Variants in CCDC110 observed in about 807,000 individuals in gnomAD.
CCDC110 encodes coiled-coil domain containing 110.
CCDC110 carries 70 observed loss-of-function variants against 77.1 expected under a neutral mutation model. The observed-to-expected ratio is 0.91, with a 90% CI of 0.75 to 1.11. The LOEUF (loss-of-function observed/expected upper bound fraction) is 1.11, where lower values mean the gene tolerates loss of function less well. Ranked by LOEUF, CCDC110 falls within the 50% of genes least tolerant of loss-of-function variation. The probability of loss-of-function intolerance (pLI) is 0.00; values close to 1 mark genes in which losing one functional copy is unlikely to be tolerated. For synonymous variants in CCDC110, 295 were observed against 312.5 expected (o/e 0.94, Z 0.59); for missense variants, 868 against 942.9 (o/e 0.92, Z 1.04).
intron 6 of CCDC110, among the ~76,000 whole-genome samples, chr4:185,452,878 G>C (rs1468807363): frequency 8.1e-6 from 1 of 123,582 alleles, no homozygotes; most frequent in Non-Finnish European, 1.6e-5. Flanking sequence ...CTGGACGGCA[G>C]AGTGAGACTC....
intron 6 of CCDC110, among the ~76,000 whole-genome samples, chr4:185,455,658 T>C (rs1233826210): frequency 6.6e-6 from 1 of 152,082 alleles, no homozygotes; most frequent in African/African-American, 2.4e-5. Flanking sequence ...CCGAGGCAGG[T>C]GGATCACCTG....
chr4:185,471,489 A>C, intron 1 of CCDC110, 185 bp downstream of exon 1: 1 of 602,322 alleles, frequency 1.7e-6, no homozygotes, highest in Non-Finnish European at 2.7e-6. Flanking sequence ...CCTGTAAGCC[A>C]CAGCGGACGC....
chr4:185,458,862 T>C lies in CCDC110; in HGVS notation c.1725A>G (p.Lys575=). ...NRMSIEMEAM[K]TNILLIQDEK... ...CATCTTGTATCAACAGAATATTGGT[T>C]TTCATTGCTTCCATTTCTATACTCA... The change falls in exon 6 of 7, where the codon AAA becomes AAG. Residue 575 remains lysine (K), a synonymous_variant. Transcript: ENST00000307588. 4 of 1,605,410 alleles carry C rather than the reference T, an allele frequency of 2.5e-6. No individual in the cohort carries two copies. Among genetic ancestry groups the C allele is most frequent in the South Asian group, 1.1e-5 (1 of 88,268 alleles).
intron 1 of CCDC110, 166 bp downstream of exon 1, chr4:185,471,508 G>C: frequency 1.5e-6 from 1 of 676,212 alleles, no homozygotes; most frequent in Non-Finnish European, 2.4e-6. Context: ...GCAGGGGGCC[G>C]CAGCGGGTGC....
rs1221187858 is a variant in CCDC110 at position 185,460,070 on chromosome 4, TCA to T, written c.515_516del (p.Leu172GlnfsTer20). 1 of 1,613,864 alleles carries T rather than the reference TCA, an allele frequency of 6.2e-7. No individual in the cohort carries two copies. Among genetic ancestry groups the T allele is most frequent in the South Asian group, 1.1e-5 (1 of 91,072 alleles). On this transcript the variant is annotated frameshift_variant, in exon 6 of 7. Coordinates refer to ENST00000307588, the MANE Select transcript of CCDC110 (RefSeq NM_152775.4). LOFTEE classifies it high-confidence loss of function. ...SQIHSEDTLT[L>X]RTSTDNLSSN... ...GAAGATAAATTGTCTGTTGAAGTTC[TCA>T]GAGTTAATGTGTCCTCGGAATGTAT...
chr4:185,456,254 G>T (rs1324446100), intron 6 of CCDC110, among the ~76,000 whole-genome samples: 2 of 152,152 alleles, frequency 1.3e-5, no homozygotes, highest in Non-Finnish European at 2.9e-5. Flanking sequence ...CCAATCCATT[G>T]GGTCAAAGAA....
Position 185,468,562 on chromosome 4 carries a change from T to C in CCDC110, c.115+2383A>G, listed in dbSNP as rs1316065370. Among the ~76,000 whole-genome samples the C allele has an allele frequency of 6.6e-6, 1 of 152,096 alleles. No individual in the cohort carries two copies. Among genetic ancestry groups the C allele is most frequent in the Non-Finnish European group, 1.5e-5 (1 of 68,018 alleles). The stretch of plus-strand genomic sequence containing the variant: ...CTGCTCCATTTACAAGAGCAACCGT[T>C]CCTCAATCACACCAGCCACGCTCCC... On this transcript the variant is annotated intron_variant, in intron 2 of 6. Transcript: ENST00000307588. This position sits in a 1 kb window ranked among gnomAD's most constrained non-coding sequence, Gnocchi z 4.5.
chr4:185,465,946 A>G (rs1426587552), intron 2 of CCDC110, among the ~76,000 whole-genome samples: 4 of 152,210 alleles, frequency 2.6e-5, no homozygotes, highest in African/African-American at 9.6e-5. Context: ...ACAGTAGAGT[A>G]GGAACATACT....
In CCDC110 at chr4:185,468,773, TC is replaced by T. The variant is rs368043163; in HGVS notation, c.115+2171del. 6.6e-6 allele frequency among the ~76,000 whole-genome samples: 1 copy of T among 151,600 alleles called. No individual in the cohort carries two copies. The highest frequency in any genetic ancestry group is 1.9e-4 in the East Asian group (1 of 5,168). On this transcript the variant is annotated intron_variant, in intron 2 of 6. Transcript: ENST00000307588. This position sits in a 1 kb window ranked among gnomAD's most constrained non-coding sequence, Gnocchi z 4.5. ...CCACCTCTGCCACTCCAAATATTCC[TC>T]CCCCCCTTCTCAGCCTTATGTTCTC...
intron 6 of CCDC110, chr4:185,457,327 C>T (rs1289199229): frequency 6.6e-6 from 3 of 455,844 alleles, no homozygotes; most frequent in African/African-American, 2.0e-5. Context: ...GTATTGTTTC[C>T]ACCTACAGGA....
At chr4:185,462,953 A>T in intron 3 of CCDC110, 41 bp downstream of exon 3, 1 of 1,504,752 alleles carries the variant, frequency 6.6e-7, no homozygotes, top group East Asian at 2.3e-5. Flanking sequence ...ATCAGCCTTT[A>T]CCCAGAATTT....
chr4:185,457,221 T>C, intron 6 of CCDC110: 1 of 455,382 alleles, frequency 2.2e-6, no homozygotes. Context: ...TGAATAGCAG[T>C]CTTGGAAGAC....
intron 6 of CCDC110, chr4:185,457,082 T>C (rs2095636948): frequency 2.9e-6 from 1 of 343,086 alleles, no homozygotes; most frequent in South Asian, 2.3e-5. Flanking sequence ...GTGGAGTTTA[T>C]CCCAGGAATT....
rs368411829 is a variant in CCDC110 at position 185,458,197 on chromosome 4, A to T, written c.2390T>A (p.Phe797Tyr). Residue 797 changes from phenylalanine to tyrosine, a missense_variant, in exon 6 of 7, where the codon TTC becomes TAC. Coordinates refer to ENST00000307588, the MANE Select transcript of CCDC110 (RefSeq NM_152775.4). Reference sequence around the variant, plus strand: ...TTCGTGAGTATAGTTGTCAAAATGGAATTTCTCTCTTCTTGAAATGTAAGT... The same window carrying T: ...TTCGTGAGTATAGTTGTCAAAATGGTATTTCTCTCTTCTTGAAATGTAAGT... ...KTTYISRREKFHFDNYTHEDT... is the reference protein window; with the variant it reads ...KTTYISRREKYHFDNYTHEDT... The T allele has an allele frequency of 1.6e-5, 26 of 1,605,470 alleles. No homozygotes were observed. The highest frequency in any genetic ancestry group is 8.5e-7 in the Non-Finnish European group (1 of 1,177,852).
chr4:185,460,166 A>G lies in CCDC110; in HGVS notation c.421T>C (p.Ser141Pro), dbSNP rs1197378035. The part of the protein sequence containing the change: ...HHFEDSKTLH[S>P]VEEKLSGDSV... ...TCACCACTTAATTTTTCTTCCACTG[A>G]ATGAAGTGTCTTGGAATCCTCAAAA... The change falls in exon 6 of 7, where the codon TCA (serine) becomes CCA (proline). Residue 141 changes from serine (S) to proline (P), a missense_variant. By Grantham distance (74) the Ser-to-Pro change is moderately conservative (BLOSUM62 -1). Coordinates refer to ENST00000307588, the MANE Select transcript of CCDC110 (RefSeq NM_152775.4). The G allele has an allele frequency of 1.9e-6, 3 of 1,612,442 alleles. No homozygotes were observed. Among genetic ancestry groups the G allele is most frequent in the Non-Finnish European group, 2.5e-6 (3 of 1,179,876 alleles).
chr4:185,463,147 A>G, intron 2 of CCDC110, 98 bp from the exon 3 acceptor site: 1 of 816,324 alleles, frequency 1.2e-6, no homozygotes, highest in Non-Finnish European at 2.0e-6. Context: ...TTGGATAGTG[A>G]GGCAGAGATA....
intron 6 of CCDC110, among the ~76,000 whole-genome samples, chr4:185,452,958 A>T (rs1192817512): frequency 6.6e-6 from 1 of 151,986 alleles, no homozygotes; most frequent in East Asian, 1.9e-4. Flanking sequence ...CTAGAGCAAA[A>T]TTAATTTCTT....
At chr4:185,470,884 C>G (rs2095664860) in intron 2 of CCDC110, 61 bp downstream of exon 2, 1 of 1,229,844 alleles carries the variant, frequency 8.1e-7, no homozygotes. Context: ...GCAGGTGGCA[C>G]AGGCCAGATG....
Position 185,459,961 on chromosome 4 carries a change from G to T in CCDC110, c.626C>A (p.Pro209Gln), listed in dbSNP as rs7699687. 830,329 of 1,611,830 alleles carry T rather than the reference G, an allele frequency of 0.52. 218,915 individuals carry two copies. Among genetic ancestry groups the T allele is most frequent in the Middle Eastern group, 0.57 (3,460 of 6,054 alleles). The part of the protein sequence containing the change: ...NFYRFLPTAP[P>Q]NVMSQADTVI... ...TGTATCAGCTTGAGACATCACATTT[G>T]GAGGTGCAGTAGGTAGAAAACGATA... Residue 209 changes from proline (P) to glutamine (Q), a missense_variant, in exon 6 of 7, where the codon CCA becomes CAA. Transcript: ENST00000307588.
Sources: allele counts gnomAD v4.1 joint callset (sites outside exome capture counted in the v4.1 genomes callset), GRCh38; gene constraint gnomAD v4.1.1; non-coding constraint Gnocchi (gnomAD v3.1); transcripts MANE v1.5; gene names NCBI Gene and HGNC (gene_info 2026-07-23, HGNC 2026-07-21).